The following EFCAB6 variants were observed in gnomAD, a reference collection of about 807,000 sequenced individuals.
The protein encoded by EFCAB6 is EF-hand calcium-binding domain-containing protein 6.
Under a neutral mutation model 169.8 loss-of-function variants are expected in EFCAB6, and 156 were observed. That is an observed-to-expected ratio of 0.92 (90% CI 0.81 to 1.05). The LOEUF (loss-of-function observed/expected upper bound fraction) is 1.05. EFCAB6 is among the 50% of genes least tolerant of loss of function. The probability of loss-of-function intolerance (pLI) is 0.00; values close to 1 mark genes in which losing one functional copy is unlikely to be tolerated. For synonymous variants in EFCAB6, 698 were observed against 676.4 expected (o/e 1.03, Z -0.50); for missense variants, 1,800 against 1,829.1 (o/e 0.98, Z 0.29).
At chr22:43,689,378 C>CACACACACAG (rs1030146132) in intron 10 of EFCAB6, among the ~76,000 whole-genome samples, 1 of 151,882 alleles carries the variant, frequency 6.6e-6, no homozygotes, top group African/African-American at 2.4e-5. Context: ...CACACACACA[C>CACACACACAG]AGCAGCATCT....
intron 22 of EFCAB6, among the ~76,000 whole-genome samples, chr22:43,606,059 A>C (rs1052246533): frequency 1.3e-5 from 2 of 152,214 alleles, no homozygotes; most frequent in African/African-American, 4.8e-5. Flanking sequence ...TCCAGAGGGA[A>C]AAAGGGATTC....
At chr22:43,548,277 T>C (rs1018607907) in intron 27 of EFCAB6, among the ~76,000 whole-genome samples, 4 of 151,964 alleles carry the variant, frequency 2.6e-5, no homozygotes, top group African/African-American at 9.7e-5. Context: ...GTGGCTCATG[T>C]CTATAATCCC....
chr22:43,674,764 A>G (rs1483508604), intron 13 of EFCAB6, among the ~76,000 whole-genome samples: 1 of 152,218 alleles, frequency 6.6e-6, no homozygotes, highest in Non-Finnish European at 1.5e-5. Context: ...AGGTGGTACC[A>G]TAATCAACCT....
At chr22:43,629,818 G>T (rs749472221) in intron 19 of EFCAB6, among the ~76,000 whole-genome samples, 1 of 152,124 alleles carries the variant, frequency 6.6e-6, no homozygotes, top group Non-Finnish European at 1.5e-5. Context: ...CTTGTGGGCC[G>T]GCCAGGCGGG....
intron 10 of EFCAB6, among the ~76,000 whole-genome samples, chr22:43,688,903 T>C (rs576196312): frequency 1.3e-5 from 2 of 152,342 alleles, no homozygotes; most frequent in South Asian, 2.1e-4. Flanking sequence ...TAAAAATTAA[T>C]GGCTGACAGC....
At position 43,580,594 on chromosome 22, in the gene EFCAB6, C is replaced by T. The variant is rs146784440; in HGVS notation, c.3098G>A (p.Ser1033Asn). The T allele has an allele frequency of 8.7e-6, 14 of 1,614,178 alleles. No homozygotes were observed. Among genetic ancestry groups the T allele is most frequent in the Middle Eastern group, 3.3e-4 (2 of 6,062 alleles). Reference sequence around the variant, plus strand: ...CTTGGGCTGAGCTCCTGTTGACTTGCTGTTCTCCACTGCTCTCAGGAAGTC... The same window carrying T: ...CTTGGGCTGAGCTCCTGTTGACTTGTTGTTCTCCACTGCTCTCAGGAAGTC... ...YLDFLRAVEN[S>N]KSTGAQPKEK... is the part of the protein sequence containing the mutation. The change falls in exon 25 of 32, where the codon AGC (serine) becomes AAC (asparagine). Residue 1033 changes from serine to asparagine, a missense_variant. Coordinates refer to ENST00000262726, the MANE Select transcript of EFCAB6 (RefSeq NM_022785.4).
rs1174440180 is a variant in EFCAB6 at position 43,684,789 on chromosome 22, T to C, written c.1143-934A>G. ...GACGGCCAGCACTGGCATGAAGAGA[T>C]GCTTTTTACAGCAGATTTTATCCAC... On this transcript the variant is annotated intron_variant, in intron 11 of 31. Coordinates refer to ENST00000262726, the MANE Select transcript of EFCAB6 (RefSeq NM_022785.4). Among the ~76,000 whole-genome samples the C allele has an allele frequency of 3.3e-5, 5 of 152,334 alleles. No homozygotes were observed. In the East Asian group the frequency reaches 7.7e-4, roughly 24 times the overall value.
At chr22:43,547,935 C>CA (rs1047886134) in intron 27 of EFCAB6, among the ~76,000 whole-genome samples, 43 of 151,584 alleles carry the variant, frequency 2.8e-4, no homozygotes, top group Admixed American at 1.4e-3. Context: ...AGTAAAAATA[C>CA]AAAAAACAAA....
intron 10 of EFCAB6, among the ~76,000 whole-genome samples, chr22:43,706,387 G>A (rs543556359): frequency 6.6e-6 from 1 of 152,330 alleles, no homozygotes; most frequent in South Asian, 2.1e-4. Context: ...GTCCCCTGCT[G>A]ATTCTTTCCA....
intron 10 of EFCAB6, among the ~76,000 whole-genome samples, chr22:43,704,824 G>A (rs2058896594): frequency 6.7e-6 from 1 of 149,344 alleles, no homozygotes; most frequent in Admixed American, 6.7e-5. Context: ...AAGATACCAA[G>A]AGAGGAAGAA....
At chr22:43,664,239 C>G (rs2057139041) in intron 17 of EFCAB6, among the ~76,000 whole-genome samples, 1 of 152,168 alleles carries the variant, frequency 6.6e-6, no homozygotes, top group African/African-American at 2.4e-5. Context: ...TGTGCGAATG[C>G]CCATGTCCAT....
At chr22:43,787,174 C>T (rs1248599074) in intron 2 of EFCAB6, among the ~76,000 whole-genome samples, 1 of 152,130 alleles carries the variant, frequency 6.6e-6, no homozygotes, top group Non-Finnish European at 1.5e-5. Context: ...TGCCTGTTCT[C>T]ACTACTTCTA....
At chr22:43,534,561 G>T in intron 30 of EFCAB6, 127 bp downstream of exon 30, 2 of 856,006 alleles carry the variant, frequency 2.3e-6, no homozygotes, top group Non-Finnish European at 3.4e-6. Context: ...GGAGTTTGAG[G>T]CTGCAGTGAA....
chr22:43,628,082 A>AC lies in EFCAB6; in HGVS notation c.2233-1404dup, dbSNP rs961368088. Reference sequence around the variant, plus strand: ...TCTATACTCTCAGCCCCAAGCCGCCACCCCCCTGACCCACAGCCTCACATC... The same window carrying AC: ...TCTATACTCTCAGCCCCAAGCCGCCACCCCCCCTGACCCACAGCCTCACATC... On this transcript the variant is annotated intron_variant, in intron 19 of 31. Coordinates refer to ENST00000262726, the MANE Select transcript of EFCAB6 (RefSeq NM_022785.4). This position sits in a 1 kb window ranked among gnomAD's most constrained non-coding sequence, Gnocchi z 4.8. Among the ~76,000 whole-genome samples the AC allele has an allele frequency of 6.6e-6, 1 of 151,272 alleles. No individual in the cohort carries two copies. The highest frequency in any genetic ancestry group is 1.5e-5 in the Non-Finnish European group (1 of 67,820).
intron 19 of EFCAB6, 131 bp from the exon 20 acceptor site, chr22:43,626,810 T>G: frequency 1.3e-6 from 1 of 773,270 alleles, no homozygotes; most frequent in South Asian, 1.8e-5. Context: ...CTATTGCTTT[T>G]AGAGACTTGG....
At chr22:43,571,927 T>C (rs1458328778) in intron 26 of EFCAB6, among the ~76,000 whole-genome samples, 2 of 152,222 alleles carry the variant, frequency 1.3e-5, no homozygotes, top group Non-Finnish European at 2.9e-5. Context: ...GGTAAATGCA[T>C]GCTTTTCCGA....
chr22:43,629,039 C>T (rs1478346775), intron 19 of EFCAB6, among the ~76,000 whole-genome samples: 2 of 152,188 alleles, frequency 1.3e-5, no homozygotes, highest in Admixed American at 6.5e-5. Context: ...TGGGCCCTGA[C>T]ACCCAGGTCC....
chr22:43,721,028 T>C (rs1349053622), intron 8 of EFCAB6, among the ~76,000 whole-genome samples: 1 of 152,148 alleles, frequency 6.6e-6, no homozygotes, highest in East Asian at 1.9e-4. Flanking sequence ...TTAAACAAGG[T>C]TTCAGTACAC....
rs530317396 is a variant in EFCAB6 at position 43,678,240 on chromosome 22, A to G, written c.1252-77T>C. On this transcript the variant is annotated intron_variant, in intron 12 of 31. Coordinates refer to ENST00000262726, the MANE Select transcript of EFCAB6 (RefSeq NM_022785.4). ...AGAAAAAGTGTTATGTATGTTTAGC[A>G]TCATTTAATAAAGAGCGAGCTTTGG... is the stretch of plus-strand genomic sequence containing the variant. The G allele has an allele frequency of 8.3e-5, 120 of 1,438,598 alleles. 1 individual carries two copies. The South Asian group carries it at 1.5e-3, about 18-fold the overall frequency. The allele number at this position is 1,438,598 out of a possible 1,614,324, so 89.1% of individuals were successfully genotyped here.
Sources: allele counts gnomAD v4.1 joint callset (sites outside exome capture counted in the v4.1 genomes callset), GRCh38; gene constraint gnomAD v4.1.1; non-coding constraint Gnocchi (gnomAD v3.1); transcripts MANE v1.5; gene names NCBI Gene and HGNC (gene_info 2026-07-23, HGNC 2026-07-21).